Variants in CNBD1 observed in about 807,000 individuals in gnomAD.
The protein encoded by CNBD1 is cyclic nucleotide-binding domain-containing protein 1.
CNBD1 carries 71 observed loss-of-function variants against 54.4 expected under a neutral mutation model. The ratio of observed to expected loss-of-function variants is 1.30; its 90% CI spans 1.08 to 1.59. CNBD1 has a LOEUF of 1.59. Ranked by LOEUF, CNBD1 falls within the 40% of genes most tolerant of loss-of-function variation. The pLI is 0.00. For missense variants in CNBD1, 659 were observed against 518.0 expected, an observed-to-expected ratio of 1.27 and a Z score of -2.64; for synonymous variants, 182 against 170.7, an observed-to-expected ratio of 1.07 and a Z score of -0.51.
intron 8 of CNBD1, among the ~76,000 whole-genome samples, chr8:87,300,512 G>C (rs1563542992): frequency 6.6e-6 from 1 of 152,080 alleles, no homozygotes; most frequent in Non-Finnish European, 1.5e-5. Flanking sequence ...TAGCTATACT[G>C]GTACGTTAGG....
exon 3 of CNBD1, chr8:87,428,608 A>G (rs1414688463): frequency 2.2e-6 from 1 of 455,258 alleles, no homozygotes; most frequent in Non-Finnish European, 4.4e-6. Context: ...TGGCCATCTG[A>G]CAGATGTAAG....
At chr8:87,155,383 T>C (rs1048231669) in intron 4 of CNBD1, among the ~76,000 whole-genome samples, 1 of 152,062 alleles carries the variant, frequency 6.6e-6, no homozygotes, top group African/African-American at 2.4e-5. Context: ...GTAGAAGATA[T>C]ATTAAAGGAG....
chr8:87,386,967 A>C (rs957060552), downstream of CNBD1, among the ~76,000 whole-genome samples: 2 of 152,228 alleles, frequency 1.3e-5, no homozygotes, highest in African/African-American at 4.8e-5. Flanking sequence ...ATTCTTAAGA[A>C]AAGAATTTTC....
At chr8:87,391,835 A>T (rs779543647) in intron 2 of CNBD1, among the ~76,000 whole-genome samples, 1 of 152,088 alleles carries the variant, frequency 6.6e-6, no homozygotes, top group Non-Finnish European at 1.5e-5. Flanking sequence ...AAAATAAAGT[A>T]ATTTGGCCTT....
intron 4 of CNBD1, among the ~76,000 whole-genome samples, chr8:87,036,312 C>T (rs557419356): frequency 7.9e-5 from 12 of 152,084 alleles, no homozygotes; most frequent in African/African-American, 2.2e-4. Flanking sequence ...AGATTGGTCA[C>T]GGCCAGGCAC....
intron 4 of CNBD1, among the ~76,000 whole-genome samples, chr8:86,952,140 G>T (rs553329352): frequency 8.6e-5 from 13 of 151,994 alleles, no homozygotes; most frequent in Admixed American, 8.5e-4. Context: ...ACTTTTCTGC[G>T]CCAAACCAAT....
chr8:87,073,032 T>A lies in CNBD1; in HGVS notation c.432-132961T>A, dbSNP rs117485715. 3.7e-3 allele frequency among the ~76,000 whole-genome samples: 563 copies of A among 152,092 alleles called. 13 individuals are homozygous for A. In the East Asian group the frequency reaches 0.08, roughly 22 times the overall value. On this transcript the variant is annotated intron_variant, in intron 4 of 10. Coordinates refer to ENST00000518476, the MANE Select transcript of CNBD1 (RefSeq NM_173538.3). ...TTTCCATTCTGTATTTTTTTTTCTATTCTTGTCTGTGTGTCCTATTCCAGA... is the reference window on the plus strand; with the variant it reads ...TTTCCATTCTGTATTTTTTTTTCTAATCTTGTCTGTGTGTCCTATTCCAGA...
At chr8:87,287,594 C>T (rs1486943178) in intron 8 of CNBD1, among the ~76,000 whole-genome samples, 2 of 152,252 alleles carry the variant, frequency 1.3e-5, no homozygotes, top group Non-Finnish European at 2.9e-5. Context: ...AAATTCTAGA[C>T]AGCTACTATT....
rs201647146 is a variant in CNBD1, at chr8:87,168,777, T to C, written c.432-37216T>C. On this transcript the variant is annotated intron_variant, in intron 4 of 10. Coordinates refer to ENST00000518476, the MANE Select transcript of CNBD1 (RefSeq NM_173538.3). ...ATGACAGGATCTCATTCTTCTTTTA[T>C]GGATGAACAGTACTCCACTGTGTAT... 3.3e-5 allele frequency among the ~76,000 whole-genome samples: 5 copies of C among 152,244 alleles called. No individual in the cohort carries two copies. The East Asian group carries it at 5.8e-4, about 18-fold the overall frequency.
chr8:87,329,137 A>C (rs532899517), intron 8 of CNBD1, among the ~76,000 whole-genome samples: 1 of 151,932 alleles, frequency 6.6e-6, no homozygotes, highest in Non-Finnish European at 1.5e-5. Context: ...GCTCTTTTGC[A>C]TGTGGATGTG....
intron 3 of CNBD1, among the ~76,000 whole-genome samples, chr8:86,912,061 G>A (rs1185585943): frequency 6.6e-6 from 1 of 152,072 alleles, no homozygotes; most frequent in Non-Finnish European, 1.5e-5. Context: ...ACATTTTTAT[G>A]GGGGTGGAAA....
At chr8:87,288,059 T>G (rs1808728425) in intron 8 of CNBD1, among the ~76,000 whole-genome samples, 1 of 152,092 alleles carries the variant, frequency 6.6e-6, no homozygotes, top group Non-Finnish European at 1.5e-5. Context: ...ATTGAATATT[T>G]CTAAATTCCC....
At chr8:87,345,577 C>A (rs890230607) in intron 8 of CNBD1, among the ~76,000 whole-genome samples, 2 of 151,934 alleles carry the variant, frequency 1.3e-5, no homozygotes, top group African/African-American at 4.8e-5. Context: ...TCATTTCAGG[C>A]AATCAATAAG....
intron 4 of CNBD1, among the ~76,000 whole-genome samples, chr8:87,030,596 T>G (rs970413967): frequency 1.3e-5 from 2 of 152,170 alleles, no homozygotes; most frequent in Non-Finnish European, 2.9e-5. Context: ...TTCTAAAATT[T>G]TTTTAAATTA....
intron 4 of CNBD1, among the ~76,000 whole-genome samples, chr8:87,152,119 CATT>C (rs1812616811): frequency 6.6e-6 from 1 of 151,388 alleles, no homozygotes; most frequent in Non-Finnish European, 1.5e-5. Context: ...TGAAGACTGG[CATT>C]ATAATATTTA....
At chr8:86,919,282 A>G (rs1809235796) in intron 3 of CNBD1, among the ~76,000 whole-genome samples, 1 of 152,132 alleles carries the variant, frequency 6.6e-6, no homozygotes, top group African/African-American at 2.4e-5. Flanking sequence ...TAGACAAATT[A>G]AATATGTAAC....
chr8:87,171,525 T>A (rs554873631), intron 4 of CNBD1, among the ~76,000 whole-genome samples: 1 of 152,138 alleles, frequency 6.6e-6, no homozygotes, highest in South Asian at 2.1e-4. Context: ...TCTGCTCCAA[T>A]TTTTATTATT....
intron 8 of CNBD1, among the ~76,000 whole-genome samples, chr8:87,339,372 C>G (rs533306975): frequency 6.6e-6 from 1 of 152,042 alleles, no homozygotes; most frequent in Non-Finnish European, 1.5e-5. Context: ...GGTTTCCCTA[C>G]GCTCGCGTCA....
chr8:87,334,802 C>T (rs916578356), intron 8 of CNBD1, among the ~76,000 whole-genome samples: 3 of 151,006 alleles, frequency 2.0e-5, no homozygotes, highest in Non-Finnish European at 2.9e-5. Flanking sequence ...CAGCTCACTG[C>T]AATCTCCACC....
Sources: gnomAD v4.1 joint callset for allele counts (sites outside exome capture counted in the v4.1 genomes callset) on GRCh38, gnomAD v4.1.1 for gene constraint, MANE v1.5 for transcripts, NCBI Gene and HGNC (gene_info 2026-07-23, HGNC 2026-07-21) for gene names.